Variants in BTN2A1 observed in about 807,000 individuals in gnomAD.
The protein encoded by BTN2A1 is butyrophilin, subfamily 2, member A1.
Under a neutral mutation model 34.5 loss-of-function variants are expected in BTN2A1, and 41 were observed. The ratio of observed to expected loss-of-function variants is 1.19; its 90% CI spans 0.93 to 1.54. The LOEUF (loss-of-function observed/expected upper bound fraction) is 1.54, where lower values mean the gene tolerates loss of function less well. Among genes scored for constraint, BTN2A1 ranks in the 40% most tolerant of loss-of-function variants. The pLI is 0.00. For missense variants in BTN2A1, 642 were observed against 662.0 expected (o/e 0.97, Z 0.33); for synonymous variants, 267 against 258.6 (o/e 1.03, Z -0.31).
chr6:26,470,388 C>T (rs945553636), downstream of BTN2A1, among the ~76,000 whole-genome samples: 4 of 151,070 alleles, frequency 2.6e-5, no homozygotes, highest in Non-Finnish European at 4.4e-5. Context: ...AGACCCCCCC[C>T]ACCCCACCCC....
At chr6:26,462,933 G>C (rs1763204071) in intron 3 of BTN2A1, 11 of 1,270,292 alleles carry the variant, frequency 8.7e-6, no homozygotes, top group Non-Finnish European at 1.0e-5. Context: ...AATTGAACAA[G>C]CATTTATGGC....
chr6:26,475,149 T>C (rs1763517320), intron 7 of BTN2A1, among the ~76,000 whole-genome samples: 1 of 152,172 alleles, frequency 6.6e-6, no homozygotes, highest in African/African-American at 2.4e-5. Flanking sequence ...GCCTTAAAGA[T>C]TCATATGTAT....
At position 26,465,204 on chromosome 6, in the gene BTN2A1, G is replaced by A. The variant is rs1385493266; in HGVS notation, c.732G>A (p.Val244=). 2 of 1,613,948 alleles carry A rather than the reference G, an allele frequency of 1.2e-6. No individual in the cohort carries two copies. Among genetic ancestry groups the A allele is most frequent in the Admixed American group, 1.7e-5 (1 of 60,000 alleles). The change falls in exon 5 of 8, where the codon GTG becomes GTA. Residue 244 remains valine, a synonymous_variant. Transcript: ENST00000312541. ...IFIPESFMPS[V]SPCAVALPII... is the part of the protein sequence containing the mutation. ...TTTCAGAATCCTTTATGCCCAGTGT[G>A]TCTCCCTGTGCAGTGGCCCTGCCTA...
At chr6:26,461,250 C>T (rs959611982) in intron 3 of BTN2A1, among the ~76,000 whole-genome samples, 2 of 152,228 alleles carry the variant, frequency 1.3e-5, no homozygotes, top group African/African-American at 4.8e-5. Flanking sequence ...TGACAGTGGC[C>T]TGGCCTTTCC....
chr6:26,466,286 T>C (rs879187242), intron 7 of BTN2A1, among the ~76,000 whole-genome samples, 198 bp downstream of exon 7: 1 of 152,186 alleles, frequency 6.6e-6, no homozygotes, highest in South Asian at 2.1e-4. Context: ...CAATCCACCC[T>C]ATGGTTTACA....
At chr6:26,460,169 G>A (rs1763128615) in intron 3 of BTN2A1, among the ~76,000 whole-genome samples, 1 of 151,660 alleles carries the variant, frequency 6.6e-6, no homozygotes, top group Non-Finnish European at 1.5e-5. Context: ...TTCTTTTTGA[G>A]ACAGAGTCTT....
downstream of BTN2A1, among the ~76,000 whole-genome samples, chr6:26,469,849 C>G (rs1463196135): frequency 6.6e-6 from 1 of 152,078 alleles, no homozygotes; most frequent in Non-Finnish European, 1.5e-5. Flanking sequence ...CCCCTTAAAA[C>G]AGTTCTGGTT....
In BTN2A1 at chr6:26,458,687, C is replaced by T. The variant is rs1763076301; in HGVS notation, c.51C>T (p.Leu17=). The part of the protein sequence containing the change: ...LHFSRPASLL[L]LLLSLCALVS... ...TCTCCCGGCCAGCCTCCCTCCTCCT[C>T]CTCCTCCTCAGCCTGTGTGCACTGG... The change falls in exon 2 of 8, where the codon CTC becomes CTT. Residue 17 remains leucine, a synonymous_variant. Transcript: ENST00000312541. 6.2e-7 allele frequency: 1 copy of T among 1,614,168 alleles called. No homozygotes were observed. The highest frequency in any genetic ancestry group is 1.3e-5 in the African/African-American group (1 of 75,034).
chr6:26,460,709 A>G (rs188424999), intron 3 of BTN2A1, among the ~76,000 whole-genome samples: 69 of 152,212 alleles, frequency 4.5e-4, no homozygotes, highest in Admixed American at 2.4e-3. Flanking sequence ...GGAGTTCGAG[A>G]CCAGCCTGGC....
At chr6:26,467,405 G>T (rs956120113) in intron 7 of BTN2A1, among the ~76,000 whole-genome samples, 1 of 152,150 alleles carries the variant, frequency 6.6e-6, no homozygotes, top group Admixed American at 6.5e-5. Context: ...TCTGCCTCCC[G>T]GGTTCAAGCA....
At chr6:26,465,444 C>G (rs2113862897) in intron 5 of BTN2A1, 38 bp downstream of exon 5, 1 of 1,596,138 alleles carries the variant, frequency 6.3e-7, no homozygotes. Context: ...TGGCTTGAAT[C>G]CCAGCACTGT....
Position 26,463,292 on chromosome 6 carries a change from G to T in BTN2A1, c.479G>T (p.Gly160Val), listed in dbSNP as rs1401257044. Reference sequence around the variant, plus strand: ...TCAATGAGGGGCCATGAAGACGGGGGCATCCGGCTGGAGTGCATATCTAGA... The same window carrying T: ...TCAATGAGGGGCCATGAAGACGGGGTCATCCGGCTGGAGTGCATATCTAGA... Reference protein sequence around the residue: ...LISMRGHEDGGIRLECISRGW... With the variant: ...LISMRGHEDGVIRLECISRGW... Residue 160 changes from glycine to valine, a missense_variant, in exon 4 of 8, where the codon GGC (glycine) becomes GTC (valine). Transcript: ENST00000312541. 10 of 1,613,348 alleles carry T rather than the reference G, an allele frequency of 6.2e-6. No homozygotes were observed. Among genetic ancestry groups the T allele is most frequent in the Admixed American group, 5.0e-5 (3 of 59,944 alleles).
At position 26,468,125 on chromosome 6, in the gene BTN2A1, A is replaced by G; in HGVS notation, c.1160A>G (p.Tyr387Cys). ...GAGAGCTTCGCTTCAGGGAAACATT[A>G]CTGGGAGGTGGAGGTGGAAAACGTG... ...GRESFASGKHYWEVEVENVIE... is the reference protein window; with the variant it reads ...GRESFASGKHCWEVEVENVIE... Residue 387 changes from tyrosine to cysteine, a missense_variant, in exon 8 of 8, where the codon TAC becomes TGC. Tyr to Cys is a radical substitution (Grantham distance 194, BLOSUM62 -2). Transcript: ENST00000312541. The G allele has an allele frequency of 1.2e-6, 2 of 1,614,134 alleles. No individual in the cohort carries two copies. Among genetic ancestry groups the G allele is most frequent in the Non-Finnish European group, 8.5e-7 (1 of 1,180,016 alleles).
chr6:26,465,509 C>T (rs952022160), intron 5 of BTN2A1, 103 bp downstream of exon 5: 50 of 1,044,854 alleles, frequency 4.8e-5, no homozygotes, highest in East Asian at 4.2e-4. Flanking sequence ...CCAGCCTGGG[C>T]GATAAAGTGA....
In BTN2A1 at chr6:26,469,035, G is replaced by A; in HGVS notation, c.*486G>A. On this transcript the variant is annotated 3_prime_UTR_variant, in exon 8 of 8. Transcript: ENST00000312541. ...AGAGGAAGTGGAACCAGAGAGCTGG[G>A]AGGGACCAAGGTTGTAAGGGTGGCT... 4 of 1,176,034 alleles carry A rather than the reference G, an allele frequency of 3.4e-6. No homozygotes were observed. Among genetic ancestry groups the A allele is most frequent in the Non-Finnish European group, 4.3e-6 (4 of 935,902 alleles). 72.8% of individuals were successfully genotyped at this position (1,176,034 alleles called of 1,614,324 possible).
At chr6:26,470,515 G>A (rs1049165830), downstream of BTN2A1, among the ~76,000 whole-genome samples, 2 of 152,062 alleles carry the variant, frequency 1.3e-5, no homozygotes, top group Admixed American at 1.3e-4. Flanking sequence ...ACAACTGATG[G>A]AGCATTATTT....
downstream of BTN2A1, among the ~76,000 whole-genome samples, chr6:26,471,764 A>G (rs6927012): frequency 0.92 from 139,506 of 152,288 alleles, 63,959 homozygotes; most frequent in South Asian, 0.95. Context: ...CGGGAGTGGT[A>G]CAGAACCAAA....
chr6:26,468,632 C>T lies in BTN2A1; in HGVS notation c.*83C>T, dbSNP rs745427177. 36 of 1,613,980 alleles carry T rather than the reference C, an allele frequency of 2.2e-5. No homozygotes were observed. The East Asian group carries it at 2.5e-4, about 11-fold the overall frequency. Reference sequence around the variant, plus strand: ...CGCACAACACCCCTGGTGGAAGACACGCCCTCCTCCCCTCTGGTCACACAA... The same window carrying T: ...CGCACAACACCCCTGGTGGAAGACATGCCCTCCTCCCCTCTGGTCACACAA... On this transcript the variant is annotated 3_prime_UTR_variant, in exon 8 of 8. Coordinates refer to ENST00000312541, the MANE Select transcript of BTN2A1 (RefSeq NM_007049.5).
chr6:26,470,796 T>C (rs1359088343), downstream of BTN2A1, among the ~76,000 whole-genome samples: 1 of 152,214 alleles, frequency 6.6e-6, no homozygotes, highest in Non-Finnish European at 1.5e-5. Context: ...CTTGGGTCTT[T>C]GGACTGAGTT....
Sources: gnomAD v4.1 joint callset for allele counts (sites outside exome capture counted in the v4.1 genomes callset) on GRCh38, gnomAD v4.1.1 for gene constraint, MANE v1.5 for transcripts, NCBI Gene and HGNC (gene_info 2026-07-23, HGNC 2026-07-21) for gene names.